The following GALK2 variants were observed in gnomAD, a reference collection of about 807,000 sequenced individuals.
GALK2 encodes N-acetylgalactosamine kinase.
GALK2 carries 36 observed loss-of-function variants against 52.4 expected under a neutral mutation model. The observed-to-expected ratio is 0.69, with a 90% CI of 0.53 to 0.91. The LOEUF is 0.91. Among genes scored for constraint, GALK2 ranks in the 40% least tolerant of loss-of-function variants. The probability of loss-of-function intolerance (pLI) is 0.00; values close to 1 mark genes in which losing one functional copy is unlikely to be tolerated. For synonymous variants in GALK2, 176 were observed against 199.1 expected (o/e 0.88, Z 0.98); for missense variants, 579 against 559.1 (o/e 1.04, Z -0.36).
intron 7 of GALK2, among the ~76,000 whole-genome samples, chr15:49,287,480 T>C (rs1213632787): frequency 1.3e-5 from 2 of 151,702 alleles, no homozygotes; most frequent in Non-Finnish European, 1.5e-5. Flanking sequence ...TGCTTTTGCT[T>C]AGGAATATAG....
chr15:49,252,550 A>AAGGAT (rs1458533006), intron 5 of GALK2, among the ~76,000 whole-genome samples: 1 of 152,172 alleles, frequency 6.6e-6, no homozygotes, highest in Non-Finnish European at 1.5e-5. Context: ...ATTTCTTTAT[A>AAGGAT]AGGATATGCT....
At chr15:49,170,434 G>C (rs191988621) in intron 1 of GALK2, 59 bp downstream of exon 1, 2 of 1,524,386 alleles carry the variant, frequency 1.3e-6, no homozygotes, top group Non-Finnish European at 1.8e-6. Context: ...TGTAGATCGG[G>C]TCCACAGCAC....
At chr15:49,249,755 A>G (rs770789468) in intron 5 of GALK2, among the ~76,000 whole-genome samples, 7 of 152,208 alleles carry the variant, frequency 4.6e-5, no homozygotes, top group Non-Finnish European at 7.3e-5. Flanking sequence ...TAGCTCTAAT[A>G]AAGAAATCAA....
At position 49,201,144 on chromosome 15, in the gene GALK2, T is replaced by C. The variant is rs745669610; in HGVS notation, c.54-18T>C. On this transcript the variant is annotated intron_variant, in intron 1 of 9. Transcript: ENST00000560031. ...TTCTGTTATATGATATTCTGAAATA[T>C]TGTACTTTTATTTTCAGGTTACTGA... The C allele has an allele frequency of 2.8e-6, 4 of 1,407,492 alleles. No homozygotes were observed. The highest frequency in any genetic ancestry group is 2.8e-5 in the African/African-American group (2 of 70,692). 87.2% of individuals were successfully genotyped at this position (1,407,492 alleles called of 1,614,324 possible).
In GALK2 at chr15:49,331,798, C is replaced by T; in HGVS notation, c.*3639C>T. On this transcript the variant is annotated 3_prime_UTR_variant, in exon 10 of 10. Transcript: ENST00000560031. ...AACCTACCAGTTTATGTAGGAACTT[C>T]TCAAAGTCCTGTTTCACTTCATGAG... is the stretch of plus-strand genomic sequence containing the variant. 1 of 1,608,574 alleles carries T rather than the reference C, an allele frequency of 6.2e-7. No individual in the cohort carries two copies. Among genetic ancestry groups the T allele is most frequent in the Non-Finnish European group, 8.5e-7 (1 of 1,175,038 alleles).
intron 3 of GALK2, among the ~76,000 whole-genome samples, chr15:49,358,367 C>T (rs1236867911): frequency 8.5e-6 from 1 of 117,918 alleles, no homozygotes; most frequent in East Asian, 2.4e-4. Context: ...TCTCCTTAAG[C>T]TGATAAGCAA....
chr15:49,299,735 T>TTTCTTTCTTTCTTTTC (rs1347140534), intron 8 of GALK2, among the ~76,000 whole-genome samples: 6 of 77,574 alleles, frequency 7.7e-5, no homozygotes, highest in South Asian at 4.6e-4. Flanking sequence ...TCTTTCTTTC[T>TTTCTTTCTTTCTTTTC]TTTCTTTCTT....
At chr15:49,228,688 T>TATATTTATTTA in intron 3 of GALK2, among the ~76,000 whole-genome samples, 1 of 10,444 alleles carries the variant, frequency 9.6e-5, no homozygotes, top group African/African-American at 3.4e-4. Flanking sequence ...TATATATATA[T>TATATTTATTTA]TTTTTTTTTT....
In GALK2 at chr15:49,327,959, G is replaced by C. The variant is rs2037821629; in HGVS notation, c.1177G>C (p.Gly393Arg). 7 of 1,607,628 alleles carry C rather than the reference G, an allele frequency of 4.4e-6. No individual in the cohort carries two copies. Among genetic ancestry groups the C allele is most frequent in the African/African-American group, 1.3e-5 (1 of 74,670 alleles). ...TTTTCCTCACTGTTTTAGGAAGTTTGGGGCTCAAGGGTCACGACTTACTGG... is the reference window on the plus strand; with the variant it reads ...TTTTCCTCACTGTTTTAGGAAGTTTCGGGCTCAAGGGTCACGACTTACTGG... ...DQLVDICRKF[G>R]AQGSRLTGAG... Residue 393 changes from glycine (G) to arginine (R), a missense_variant, in exon 10 of 10, where the codon GGG becomes CGG. Transcript: ENST00000560031.
chr15:49,299,179 G>A (rs2034745460), intron 8 of GALK2, among the ~76,000 whole-genome samples: 2 of 152,042 alleles, frequency 1.3e-5, no homozygotes, highest in Non-Finnish European at 2.9e-5. Context: ...AGTGCACAGA[G>A]GTGTCCACAA....
intron 3 of GALK2, among the ~76,000 whole-genome samples, chr15:49,354,488 C>T (rs985113766): frequency 4.2e-4 from 64 of 152,212 alleles, no homozygotes; most frequent in African/African-American, 1.3e-3. Context: ...GGGTGACGGA[C>T]GGCACCTGGA....
At chr15:49,352,961 TC>T (rs2042472558) in intron 3 of GALK2, among the ~76,000 whole-genome samples, 1 of 152,212 alleles carries the variant, frequency 6.6e-6, no homozygotes, top group African/African-American at 2.4e-5. Flanking sequence ...CTTTGCTTGG[TC>T]AACAGGTTAT....
In GALK2 at chr15:49,220,846, T is replaced by A. The variant is rs530007962; in HGVS notation, c.266+3533T>A. 9.2e-5 allele frequency among the ~76,000 whole-genome samples: 14 copies of A among 152,326 alleles called. 1 individual carries two copies. The South Asian group carries it at 2.9e-3, about 32-fold the overall frequency. On this transcript the variant is annotated intron_variant, in intron 3 of 9. Transcript: ENST00000560031. ...GCTGATGATTAGTGATGGTAAGCAG[T>A]TTTCATATACCTATCTGCCATTTGT...
In GALK2 at chr15:49,331,625, T is replaced by TA. The variant is rs2151145887; in HGVS notation, c.*3467dup. The TA allele has an allele frequency of 5.2e-6, 3 of 577,998 alleles. No individual in the cohort carries two copies. In the South Asian group the frequency reaches 7.3e-5, roughly 14 times the overall value. 35.8% of individuals were successfully genotyped at this position (577,998 alleles called of 1,614,324 possible). ...ACTAAATATGTAAAACAGATTTTCT[T>TA]ACATGTGCATGTAGATGATTAAGTA... On this transcript the variant is annotated 3_prime_UTR_variant, in exon 10 of 10. Transcript: ENST00000560031.
chr15:49,336,542 A>C (rs149317031), downstream of GALK2, among the ~76,000 whole-genome samples: 90 of 152,336 alleles, frequency 5.9e-4, 1 homozygote, highest in East Asian at 0.015. Flanking sequence ...AACAAACTTC[A>C]GTATTACCTT....
chr15:49,274,389 T>C (rs1485863224), intron 5 of GALK2, among the ~76,000 whole-genome samples: 5 of 152,190 alleles, frequency 3.3e-5, no homozygotes, highest in Admixed American at 3.3e-4. Flanking sequence ...AGTAAAAATA[T>C]GGTTTAAAAG....
intron 3 of GALK2, among the ~76,000 whole-genome samples, chr15:49,340,665 A>T (rs186156882): frequency 6.6e-6 from 1 of 152,196 alleles, no homozygotes; most frequent in East Asian, 1.9e-4. Flanking sequence ...GGATATAAGA[A>T]CTTTGTTGGA....
chr15:49,163,235 A>T (rs1047261547), intron 1 of GALK2, among the ~76,000 whole-genome samples: 8 of 152,238 alleles, frequency 5.3e-5, no homozygotes, highest in African/African-American at 1.4e-4. Context: ...TTTACTTAAT[A>T]ACTAATGTTG....
intron 1 of GALK2, among the ~76,000 whole-genome samples, chr15:49,196,862 G>C (rs1373570503): frequency 6.6e-6 from 1 of 152,208 alleles, no homozygotes; most frequent in Non-Finnish European, 1.5e-5. Context: ...GGCTGAGGCA[G>C]GAGGATCACT....
Sources: allele counts gnomAD v4.1 joint callset (sites outside exome capture counted in the v4.1 genomes callset), GRCh38; gene constraint gnomAD v4.1.1; transcripts MANE v1.5; gene names NCBI Gene and HGNC (gene_info 2026-07-23, HGNC 2026-07-21).